Variants in BLTP3B observed in about 807,000 individuals in gnomAD.
BLTP3B encodes UHRF1 (ICBP90) binding protein 1-like.
chr12:100,050,397 A>G, the BLTP3B span: 15 of 1,284,254 alleles, frequency 1.2e-5, no homozygotes, highest in Non-Finnish European at 1.5e-5. Context: ...GGAAACTACC[A>G]TTACCCTCTA....
chr12:100,140,622 T>C, the BLTP3B span, among the ~76,000 whole-genome samples: 1 of 142,844 alleles, frequency 7.0e-6, no homozygotes, highest in Non-Finnish European at 1.5e-5. Context: ...GGAGAACTGA[T>C]TGAAGCCAGG....
At chr12:100,126,053 C>T in the BLTP3B span, among the ~76,000 whole-genome samples, 1 of 152,042 alleles carries the variant, frequency 6.6e-6, no homozygotes, top group Non-Finnish European at 1.5e-5. Flanking sequence ...ATGACTTGAG[C>T]CCAGGGGTTT....
the BLTP3B span, among the ~76,000 whole-genome samples, chr12:100,100,297 C>CT: frequency 1.3e-5 from 2 of 151,702 alleles, no homozygotes; most frequent in Non-Finnish European, 2.9e-5. Flanking sequence ...AGAGTGAGAC[C>CT]TTGTCTCAAA....
chr12:100,105,072 T>A, the BLTP3B span, among the ~76,000 whole-genome samples: 1 of 152,146 alleles, frequency 6.6e-6, no homozygotes, highest in South Asian at 2.1e-4. Context: ...CCCAAAGCAA[T>A]CTACAAATTC....
the BLTP3B span, among the ~76,000 whole-genome samples, chr12:100,129,644 G>C: frequency 1.3e-5 from 2 of 152,146 alleles, no homozygotes; most frequent in African/African-American, 2.4e-5. Flanking sequence ...TTTTAAAATG[G>C]AGGAGGCCAA....
chr12:100,072,429 G>A, the BLTP3B span, among the ~76,000 whole-genome samples: 1 of 152,050 alleles, frequency 6.6e-6, no homozygotes, highest in Non-Finnish European at 1.5e-5. Flanking sequence ...AATAGGGGCT[G>A]GGCACAGTGG....
the BLTP3B span, among the ~76,000 whole-genome samples, chr12:100,079,630 C>T: frequency 6.6e-6 from 1 of 152,108 alleles, no homozygotes; most frequent in Non-Finnish European, 1.5e-5. Flanking sequence ...GAAAAGAAAA[C>T]CCCATTTTCT....
the BLTP3B span, chr12:100,039,452 C>T: frequency 1.3e-6 from 1 of 799,338 alleles, no homozygotes; most frequent in Non-Finnish European, 1.9e-6. Context: ...ACACTCTAAC[C>T]ATAGCACCTA....
At chr12:100,103,761 G>A in the BLTP3B span, 5 of 557,478 alleles carry the variant, frequency 9.0e-6, no homozygotes, top group South Asian at 2.3e-4. Context: ...TCATTTAAAG[G>A]ATGAAAAACC....
the BLTP3B span, among the ~76,000 whole-genome samples, chr12:100,081,614 G>T: frequency 6.6e-6 from 1 of 152,044 alleles, no homozygotes; most frequent in Non-Finnish European, 1.5e-5. Flanking sequence ...TTCCCTCTTT[G>T]TGTCCATGTG....
chr12:100,095,151 C>T, the BLTP3B span, among the ~76,000 whole-genome samples: 3 of 152,084 alleles, frequency 2.0e-5, no homozygotes, highest in Admixed American at 1.3e-4. Context: ...CTCTCCATAC[C>T]AACTAATAAT....
the BLTP3B span, among the ~76,000 whole-genome samples, chr12:100,127,448 A>G: frequency 1.3e-5 from 2 of 152,230 alleles, no homozygotes; most frequent in Non-Finnish European, 2.9e-5. Flanking sequence ...TAAGTATGTA[A>G]TAAGTTGCAC....
the BLTP3B span, among the ~76,000 whole-genome samples, chr12:100,101,418 A>C: frequency 5.9e-5 from 9 of 152,216 alleles, no homozygotes; most frequent in Non-Finnish European, 1.0e-4. Context: ...CATCCTCAAG[A>C]AAAGTTTTAT....
At chr12:100,093,734 G>A in the BLTP3B span, among the ~76,000 whole-genome samples, 17 of 152,164 alleles carry the variant, frequency 1.1e-4, no homozygotes, top group African/African-American at 3.9e-4. Flanking sequence ...ACACATCAAG[G>A]TGGAATGTGT....
At chr12:100,057,954 A>AG in the BLTP3B span, 9 of 1,485,102 alleles carry the variant, frequency 6.1e-6, no homozygotes, top group Non-Finnish European at 8.1e-6. Flanking sequence ...TCTGCCTCAA[A>AG]ACAAAATACA....
the BLTP3B span, chr12:100,072,652 ATAAT>A: frequency 8.1e-6 from 12 of 1,472,550 alleles, no homozygotes; most frequent in Non-Finnish European, 1.1e-5. Flanking sequence ...TGGACAAATA[ATAAT>A]TAAAAACTCT....
chr12:100,081,285 G>A, the BLTP3B span, among the ~76,000 whole-genome samples: 2 of 152,198 alleles, frequency 1.3e-5, no homozygotes, highest in Non-Finnish European at 2.9e-5. Flanking sequence ...TTTGTATAAT[G>A]TGACTACAAT....
the BLTP3B span, chr12:100,108,501 T>C: frequency 6.2e-7 from 1 of 1,613,268 alleles, no homozygotes; most frequent in Non-Finnish European, 8.5e-7. Context: ...ACCTTCTCCT[T>C]TAAGGGTACT....
chr12:100,079,700 TC>T, the BLTP3B span, among the ~76,000 whole-genome samples: 1 of 152,122 alleles, frequency 6.6e-6, no homozygotes, highest in Non-Finnish European at 1.5e-5. Flanking sequence ...CTAATGTTAA[TC>T]CCCAAGACAA....
Sources: allele counts gnomAD v4.1 joint callset (sites outside exome capture counted in the v4.1 genomes callset), GRCh38; gene constraint gnomAD v4.1.1; transcripts MANE v1.5; gene names NCBI Gene and HGNC (gene_info 2026-07-23, HGNC 2026-07-21).